Variants in HPS5 observed in about 807,000 individuals in gnomAD.
The protein encoded by HPS5 is BLOC-2 complex member HPS5.
HPS5 carries 83 observed loss-of-function variants against 128.0 expected under a neutral mutation model. The ratio of observed to expected loss-of-function variants is 0.65; its 90% CI spans 0.54 to 0.78. The LOEUF is 0.78. HPS5 is among the 30% of genes least tolerant of loss of function. The pLI, the probability that HPS5 is intolerant of heterozygous loss-of-function variation, is 0.00. For missense variants in HPS5, 1,281 were observed against 1,326.2 expected, an observed-to-expected ratio of 0.97 and a Z score of 0.53; for synonymous variants, 475 against 470.2, an observed-to-expected ratio of 1.01 and a Z score of -0.13.
chr11:18,298,120 T>C (rs1861296251), intron 10 of HPS5, among the ~76,000 whole-genome samples: 1 of 151,480 alleles, frequency 6.6e-6, no homozygotes, highest in African/African-American at 2.4e-5. Context: ...ATAAGTCTAA[T>C]ATAGAACATA....
chr11:18,306,285 G>C lies in HPS5; in HGVS notation c.674C>G (p.Pro225Arg). 5.0e-6 allele frequency: 8 copies of C among 1,614,054 alleles called. No homozygotes were observed. Among genetic ancestry groups the C allele is most frequent in the Non-Finnish European group, 6.8e-6 (8 of 1,179,984 alleles). ...RDGEYGACFF[P>R]GRCSGGQQPL... ...TTGCTGGCCCCCAGAACATCTTCCA[G>C]GAAAGAAACAAGCTCCATATTCTCC... is the stretch of plus-strand genomic sequence containing the variant. Residue 225 changes from proline to arginine, a missense_variant, in exon 7 of 23, where the codon CCT becomes CGT. Pro to Arg is a moderately radical substitution (Grantham distance 103). Coordinates refer to ENST00000349215, the MANE Select transcript of HPS5 (RefSeq NM_181507.2).
rs557184781 is a variant in HPS5, at chr11:18,312,032, CAT to C, written c.109-10_109-9del. ...CACAGCTATGCTCGTGCACTAAAAACATGTGAAGAGAAGTGTGAGATAATCAC... is the reference window on the plus strand; with the variant it reads ...CACAGCTATGCTCGTGCACTAAAAACGTGAAGAGAAGTGTGAGATAATCAC... On this transcript the variant is annotated splice_polypyrimidine_tract_variant and intron_variant, in intron 2 of 22. Transcript: ENST00000349215. 467 of 1,604,038 alleles carry C rather than the reference CAT, an allele frequency of 2.9e-4. No homozygotes were observed. The highest frequency in any genetic ancestry group is 1.9e-3 in the African/African-American group (144 of 74,750).
At chr11:18,306,646 G>A (rs1235765546) in intron 6 of HPS5, among the ~76,000 whole-genome samples, 2 of 152,194 alleles carry the variant, frequency 1.3e-5, no homozygotes, top group Non-Finnish European at 2.9e-5. Flanking sequence ...TAAAAGGTGA[G>A]TGCTACCAAA....
Position 18,296,039 on chromosome 11 carries a change from A to G in HPS5, c.1594T>C (p.Ser532Pro), listed in dbSNP as rs1211491095. The G allele has an allele frequency of 6.2e-7, 1 of 1,613,750 alleles. No homozygotes were observed. The highest frequency in any genetic ancestry group is 8.5e-7 in the Non-Finnish European group (1 of 1,179,742). Residue 532 changes from serine to proline, a missense_variant, in exon 13 of 23, where the codon TCT (serine) becomes CCT (proline). Transcript: ENST00000349215. ...LPFGIPLPFR[S>P]PSPLVSLQAV... Reference sequence around the variant, plus strand: ...TGAAGAGACACAAGAGGAGATGGAGAACGAAATGGTAATGGAATGCCGAAC... The same window carrying G: ...TGAAGAGACACAAGAGGAGATGGAGGACGAAATGGTAATGGAATGCCGAAC...
chr11:18,297,015 A>T (rs1411789115), intron 11 of HPS5, 31 bp from the exon 12 acceptor site: 2 of 1,428,448 alleles, frequency 1.4e-6, no homozygotes, highest in African/African-American at 2.9e-5. Context: ...AAAAAAAAAA[A>T]AGGTAAAAAT....
intron 15 of HPS5, among the ~76,000 whole-genome samples, chr11:18,292,293 T>C (rs1445913455): frequency 1.3e-5 from 2 of 151,106 alleles, no homozygotes; most frequent in Non-Finnish European, 2.9e-5. Context: ...CACTGCAGGC[T>C]CAAGTGATCC....
rs1370020266 is a variant in HPS5 at position 18,306,355 on chromosome 11, C to T, written c.612-8G>A. 1 of 1,600,238 alleles carries T rather than the reference C, an allele frequency of 6.2e-7. No homozygotes were observed. Among genetic ancestry groups the T allele is most frequent in the African/African-American group, 1.3e-5 (1 of 74,588 alleles). On this transcript the variant is annotated splice_region_variant and splice_polypyrimidine_tract_variant and intron_variant, in intron 6 of 22. Transcript: ENST00000349215. ...ATTTTCCAAAACTTTTCTCTAACAT[C>T]CAGAAAGGAAGAGAAAGCAGATTTA... is the stretch of plus-strand genomic sequence containing the variant.
rs1025405255 is a variant in HPS5, at chr11:18,283,662, C to G, written c.3058+133G>C. On this transcript the variant is annotated intron_variant, in intron 21 of 22. Transcript: ENST00000349215. Reference sequence around the variant, plus strand: ...AACAAAAACAAAAACAAAAACTCCACAAATGTGACAACTAAGTGGAATCAC... The same window carrying G: ...AACAAAAACAAAAACAAAAACTCCAGAAATGTGACAACTAAGTGGAATCAC... 2.8e-5 allele frequency: 20 copies of G among 703,734 alleles called. No homozygotes were observed. In the African/African-American group the frequency reaches 3.6e-4, roughly 13 times the overall value. 43.6% of individuals were successfully genotyped at this position (703,734 alleles called of 1,614,324 possible). A position where few individuals can be genotyped will look rare whatever the true frequency, so the allele number is the denominator to read the frequency against.
At chr11:18,301,063 C>T (rs1427000082) in intron 8 of HPS5, 147 bp from the exon 9 acceptor site, 2 of 667,820 alleles carry the variant, frequency 3.0e-6, no homozygotes, top group Non-Finnish European at 5.5e-6. Context: ...CGAGTCCTAA[C>T]AACTCCTTTC....
chr11:18,293,200 G>A (rs984928207), intron 14 of HPS5, among the ~76,000 whole-genome samples: 1 of 151,418 alleles, frequency 6.6e-6, no homozygotes, highest in Non-Finnish European at 1.5e-5. Context: ...ACAGAGTCAC[G>A]CTCTGTTGCC....
chr11:18,301,171 G>T (rs1861655406), intron 8 of HPS5, among the ~76,000 whole-genome samples: 1 of 151,996 alleles, frequency 6.6e-6, no homozygotes, highest in Non-Finnish European at 1.5e-5. Context: ...AAAGAAAAGG[G>T]TCAGCTGGGT....
intron 21 of HPS5, among the ~76,000 whole-genome samples, chr11:18,282,812 C>A (rs2134210670): frequency 6.6e-6 from 1 of 152,050 alleles, no homozygotes; most frequent in East Asian, 1.9e-4. Flanking sequence ...CTGAGAAGGG[C>A]TCTATGAGGA....
At chr11:18,291,421 A>G (rs1257972929) in intron 16 of HPS5, 21 bp downstream of exon 16, 22 of 1,452,534 alleles carry the variant, frequency 1.5e-5, no homozygotes, top group Non-Finnish European at 1.9e-5. Context: ...TCTATCTTTG[A>G]TAAGGCAATC....
At chr11:18,283,706 T>A (rs575605716) in intron 21 of HPS5, 89 bp downstream of exon 21, 2 of 835,132 alleles carry the variant, frequency 2.4e-6, no homozygotes, top group African/African-American at 3.3e-5. Flanking sequence ...TATATGATCA[T>A]TGAAAGGTTC....
rs1554936370 is a variant in HPS5 at position 18,296,985 on chromosome 11, C to CT, written c.1324-2dup. On this transcript the variant is annotated splice_acceptor_variant, in intron 11 of 22. Coordinates refer to ENST00000349215, the MANE Select transcript of HPS5 (RefSeq NM_181507.2). LOFTEE classifies it high-confidence loss of function. ...CAGAGTCCAAGATGCTGAAACTTTCCTAAAAATTAAAAGAATTCAAAAAAA... is the reference window on the plus strand; with the variant it reads ...CAGAGTCCAAGATGCTGAAACTTTCCTTAAAAATTAAAAGAATTCAAAAAAA... 6.4e-7 allele frequency: 1 copy of CT among 1,560,882 alleles called. No homozygotes were observed. Among genetic ancestry groups the CT allele is most frequent in the Non-Finnish European group, 8.8e-7 (1 of 1,138,798 alleles).
intron 11 of HPS5, among the ~76,000 whole-genome samples, chr11:18,297,190 A>G (rs1441213304): frequency 6.6e-6 from 1 of 152,198 alleles, no homozygotes; most frequent in Non-Finnish European, 1.5e-5. Context: ...ATATTTCTCT[A>G]GCTTGTCTTC....
At chr11:18,296,419 C>A in intron 12 of HPS5, 1 of 539,838 alleles carries the variant, frequency 1.9e-6, no homozygotes, top group Admixed American at 3.3e-5. Flanking sequence ...CAGGAATACT[C>A]GCACATCGAA....
Position 18,297,658 on chromosome 11 carries a change from G to A in HPS5, c.1224C>T (p.Gly408=). 2.5e-6 allele frequency: 4 copies of A among 1,613,796 alleles called. No homozygotes were observed. The highest frequency in any genetic ancestry group is 2.7e-5 in the African/African-American group (2 of 75,046). ...LEHLKSQLDH[G]TYNDLISQLE... Reference sequence around the variant, plus strand: ...GTTGAGAAATTAGATCATTGTAGGTGCCATGGTCCAGCTGAGATTTCAAAT... The same window carrying A: ...GTTGAGAAATTAGATCATTGTAGGTACCATGGTCCAGCTGAGATTTCAAAT... The change falls in exon 11 of 23, where the codon GGC becomes GGT. Residue 408 remains glycine (G), a synonymous_variant. Transcript: ENST00000349215.
At chr11:18,311,572 G>A (rs915825513) in intron 3 of HPS5, 121 bp from the exon 4 acceptor site, 1 of 593,324 alleles carries the variant, frequency 1.7e-6, no homozygotes, top group Non-Finnish European at 2.8e-6. Flanking sequence ...GAGCAATGGT[G>A]CGATCTCGGC....
Sources: allele counts gnomAD v4.1 joint callset (sites outside exome capture counted in the v4.1 genomes callset), GRCh38; gene constraint gnomAD v4.1.1; transcripts MANE v1.5; gene names NCBI Gene and HGNC (gene_info 2026-07-23, HGNC 2026-07-21).